LARP4B: variants seen among roughly 807,000 people sequenced by gnomAD.
The protein encoded by LARP4B is la-related protein 4B.
LARP4B carries 12 observed loss-of-function variants against 89.8 expected under a neutral mutation model. That is an observed-to-expected ratio of 0.13 (90% CI 0.09 to 0.22). The LOEUF is 0.22. Ranked by LOEUF, LARP4B falls within the 10% of genes least tolerant of loss-of-function variation. The pLI is 1.00. For synonymous variants in LARP4B, 367 were observed against 363.3 expected (o/e 1.01, Z -0.12); for missense variants, 757 against 947.7 (o/e 0.80, Z 2.64).
At chr10:962,087 G>T in the LARP4B span, among the ~76,000 whole-genome samples, 7 of 152,088 alleles carry the variant, frequency 4.6e-5, no homozygotes, top group Admixed American at 6.6e-5. Context: ...GAGGTCGGGA[G>T]TTCGAGACCA....
At chr10:946,846 T>A in the LARP4B span, among the ~76,000 whole-genome samples, 1 of 152,122 alleles carries the variant, frequency 6.6e-6, no homozygotes, top group Non-Finnish European at 1.5e-5. Flanking sequence ...CATGAGAACT[T>A]CCATACTTTT....
At chr10:958,388 G>A in the LARP4B span, among the ~76,000 whole-genome samples, 5 of 152,174 alleles carry the variant, frequency 3.3e-5, no homozygotes, top group African/African-American at 4.8e-5. Flanking sequence ...GCCTTGGCAC[G>A]CACCACTACC....
At chr10:928,451 A>G (rs1014710238) in intron 1 of LARP4B, among the ~76,000 whole-genome samples, 2 of 152,250 alleles carry the variant, frequency 1.3e-5, no homozygotes, top group African/African-American at 4.8e-5. Context: ...GGAGTTTGTC[A>G]GCCACTCCTT....
At chr10:844,919 T>C in intron 6 of LARP4B, 58 bp downstream of exon 6, 1 of 1,269,308 alleles carries the variant, frequency 7.9e-7, no homozygotes, top group Non-Finnish European at 1.1e-6. Context: ...GTATATACTT[T>C]AACTATTTGC....
intron 5 of LARP4B, among the ~76,000 whole-genome samples, chr10:857,027 C>T (rs752167110): frequency 3.3e-5 from 5 of 152,032 alleles, no homozygotes; most frequent in East Asian, 1.9e-4. Context: ...TTATGGAAGG[C>T]GTCCCCTGCC....
the LARP4B span, among the ~76,000 whole-genome samples, chr10:955,293 G>C: frequency 6.6e-6 from 1 of 152,180 alleles, no homozygotes; most frequent in South Asian, 2.1e-4. This position sits in a 1 kb window ranked among gnomAD's most constrained non-coding sequence, Gnocchi z 5.2. Flanking sequence ...CTGCCCCCTC[G>C]ACCCAGCCAG....
chr10:931,485 G>C lies in LARP4B; in HGVS notation c.-97C>G, dbSNP rs1426236645. 4.7e-5 allele frequency: 7 copies of C among 148,594 alleles called. No individual in the cohort carries two copies. Among genetic ancestry groups the C allele is most frequent in the Non-Finnish European group, 9.0e-5 (6 of 66,446 alleles). The allele number at this position is 148,594 out of a possible 1,614,324, so 9.2% of individuals were successfully genotyped here. ...CCCGCGGGCTCCTCGCCTCAACCCC[G>C]GGGCCCGGCGGCCGCGCCACACGCG... is the stretch of plus-strand genomic sequence containing the variant. On this transcript the variant is annotated 5_prime_UTR_variant, in exon 1 of 18. Transcript: ENST00000316157.
chr10:836,731 C>T (rs1833241109), intron 7 of LARP4B, among the ~76,000 whole-genome samples: 1 of 152,164 alleles, frequency 6.6e-6, no homozygotes, highest in Non-Finnish European at 1.5e-5. Context: ...AGGTTCTAAA[C>T]AGCTCAAGCA....
At chr10:941,797 A>G in the LARP4B span, among the ~76,000 whole-genome samples, 1 of 151,266 alleles carries the variant, frequency 6.6e-6, no homozygotes, top group Non-Finnish European at 1.5e-5. Flanking sequence ...TTTGTTTGAG[A>G]CAGGGCCTCA....
chr10:838,089 A>G (rs889825139), intron 7 of LARP4B, among the ~76,000 whole-genome samples: 4 of 152,244 alleles, frequency 2.6e-5, no homozygotes, highest in African/African-American at 9.6e-5. Flanking sequence ...CGACATCCAC[A>G]TGCAGAAAAT....
At chr10:829,137 G>A (rs905203031) in intron 11 of LARP4B, among the ~76,000 whole-genome samples, 9 of 152,182 alleles carry the variant, frequency 5.9e-5, no homozygotes, top group African/African-American at 1.4e-4. Context: ...CGCCCTCTGC[G>A]TCTTGCTAAG....
intron 3 of LARP4B, among the ~76,000 whole-genome samples, chr10:868,313 C>T (rs1287491688): frequency 2.0e-5 from 3 of 150,344 alleles, no homozygotes; most frequent in African/African-American, 7.4e-5. Flanking sequence ...GACTTCAGAA[C>T]CATACAAGGC....
intron 7 of LARP4B, among the ~76,000 whole-genome samples, chr10:838,581 G>T (rs961034877): frequency 1.3e-5 from 2 of 152,156 alleles, no homozygotes; most frequent in Non-Finnish European, 2.9e-5. Flanking sequence ...ATACCTGTCA[G>T]CACAGCAAAA....
At chr10:914,679 C>T (rs1836769681) in intron 1 of LARP4B, among the ~76,000 whole-genome samples, 1 of 151,230 alleles carries the variant, frequency 6.6e-6, no homozygotes, top group South Asian at 2.1e-4. Context: ...CCTGTAATCC[C>T]AGCCACTCGA....
chr10:964,347 G>A, the LARP4B span, among the ~76,000 whole-genome samples: 3 of 152,192 alleles, frequency 2.0e-5, no homozygotes, highest in African/African-American at 7.2e-5. Flanking sequence ...TTACAGGCGT[G>A]GGTCACCATG....
chr10:845,077 C>G, intron 5 of LARP4B, 22 bp from the exon 6 acceptor site: 1 of 1,577,780 alleles, frequency 6.3e-7, no homozygotes, highest in Middle Eastern at 1.7e-4. Context: ...TAATAATCAA[C>G]TTAGGAAAAC....
chr10:966,489 C>A, the LARP4B span, among the ~76,000 whole-genome samples: 1 of 152,212 alleles, frequency 6.6e-6, no homozygotes, highest in South Asian at 2.1e-4. Context: ...GTGGCACAAG[C>A]CTTTGAGGAC....
the LARP4B span, among the ~76,000 whole-genome samples, chr10:974,424 G>C: frequency 1.3e-5 from 2 of 152,198 alleles, no homozygotes; most frequent in African/African-American, 4.8e-5. Flanking sequence ...ATGCGTCTGA[G>C]TGTTTCTCAG....
At chr10:835,918 G>A (rs895021294) in intron 8 of LARP4B, among the ~76,000 whole-genome samples, 7 of 149,688 alleles carry the variant, frequency 4.7e-5, no homozygotes, top group African/African-American at 1.2e-4. Context: ...GGGCAACAGA[G>A]CAAGACTCCA....
Sources: gnomAD v4.1 joint callset for allele counts (sites outside exome capture counted in the v4.1 genomes callset) on GRCh38, gnomAD v4.1.1 for gene constraint, Gnocchi (gnomAD v3.1) non-coding constraint, MANE v1.5 for transcripts, NCBI Gene and HGNC (gene_info 2026-07-23, HGNC 2026-07-21) for gene names.